CACNA1C: variants seen among roughly 807,000 people sequenced by gnomAD.
CACNA1C encodes the protein voltage-dependent L-type calcium channel subunit alpha-1C.
Under a neutral mutation model 229.0 loss-of-function variants are expected in CACNA1C, and 30 were observed. That is an observed-to-expected ratio of 0.13 (90% CI 0.10 to 0.18). The LOEUF is 0.18. CACNA1C is among the 10% of genes least tolerant of loss of function. The pLI is 1.00. For missense variants in CACNA1C, 1,658 were observed against 2,845.0 expected, an observed-to-expected ratio of 0.58 and a Z score of 9.49; for synonymous variants, 1,114 against 1,132.5, an observed-to-expected ratio of 0.98 and a Z score of 0.33.
At chr12:2,339,404 T>A (rs1177942631) in intron 3 of CACNA1C, among the ~76,000 whole-genome samples, 5 of 152,222 alleles carry the variant, frequency 3.3e-5, no homozygotes, top group African/African-American at 1.2e-4. Context: ...TGGACTTTAT[T>A]AACAGTGGAC....
intron 1 of CACNA1C, among the ~76,000 whole-genome samples, chr12:2,097,957 T>C (rs1358685235): frequency 6.6e-6 from 1 of 152,200 alleles, no homozygotes; most frequent in Non-Finnish European, 1.5e-5. Context: ...TTCTAGAACC[T>C]GAGCTGTCTG....
At chr12:2,473,932 A>G (rs1342600245) in intron 5 of CACNA1C, among the ~76,000 whole-genome samples, 1 of 152,220 alleles carries the variant, frequency 6.6e-6, no homozygotes, top group Non-Finnish European at 1.5e-5. Context: ...CTTATGGCGT[A>G]GAGTTACCGT....
At position 2,596,003 on chromosome 12, in the gene CACNA1C, T is replaced by C. The variant is rs759991679; in HGVS notation, c.2793T>C (p.His931=). The part of the protein sequence containing the change: ...DPVQHTSFRN[H]ILFYFDIVFT... ...TCCAGCACACCTCCTTCAGGAACCATGTATGCATCGCCTGTGTCTTCTGCA... is the reference window on the plus strand; with the variant it reads ...TCCAGCACACCTCCTTCAGGAACCACGTATGCATCGCCTGTGTCTTCTGCA... The change falls in exon 20 of 47, where the codon CAT becomes CAC. Residue 931 remains histidine (H), a splice_region_variant and synonymous_variant. Coordinates refer to ENST00000399655, the MANE Select transcript of CACNA1C (RefSeq NM_000719.7). 8 of 1,612,280 alleles carry C rather than the reference T, an allele frequency of 5.0e-6. No individual in the cohort carries two copies. Among genetic ancestry groups the C allele is most frequent in the South Asian group, 1.1e-5 (1 of 90,830 alleles).
intron 3 of CACNA1C, among the ~76,000 whole-genome samples, chr12:2,227,671 A>G (rs1399074196): frequency 6.6e-6 from 1 of 152,194 alleles, no homozygotes; most frequent in African/African-American, 2.4e-5. Flanking sequence ...CCTACTTGAC[A>G]ATACACCCCA....
At chr12:2,235,707 G>T (rs111635356) in intron 3 of CACNA1C, among the ~76,000 whole-genome samples, 1,942 of 152,226 alleles carry the variant, frequency 0.013, 48 homozygotes, top group African/African-American at 0.044. Flanking sequence ...AAGCAGGGCC[G>T]TGTCTGATGT....
At chr12:2,306,817 G>A (rs1293428978) in intron 3 of CACNA1C, among the ~76,000 whole-genome samples, 4 of 152,320 alleles carry the variant, frequency 2.6e-5, no homozygotes, top group Middle Eastern at 6.8e-3. Flanking sequence ...GAGCTAATCC[G>A]CAGTTTGGTA....
rs180698278 is a variant in CACNA1C at position 2,215,213 on chromosome 12, A to G, written c.477+94783A>G. ...TCCCTTTGCTTGGATTTAATCTGCT[A>G]TTTGTGGGTGTTCTGTTGCATTCAG... On this transcript the variant is annotated intron_variant, in intron 3 of 46. Coordinates refer to ENST00000399655, the MANE Select transcript of CACNA1C (RefSeq NM_000719.7). This position sits in a 1 kb window ranked among gnomAD's most constrained non-coding sequence, Gnocchi z 5.0. Among the ~76,000 whole-genome samples, 2 of 152,216 alleles carry G rather than the reference A, an allele frequency of 1.3e-5. No individual in the cohort carries two copies. Among genetic ancestry groups the G allele is most frequent in the African/African-American group, 4.8e-5 (2 of 41,550 alleles).
chr12:2,253,016 G>A (rs1022035726), intron 3 of CACNA1C, among the ~76,000 whole-genome samples: 1 of 152,244 alleles, frequency 6.6e-6, no homozygotes, highest in Non-Finnish European at 1.5e-5. Flanking sequence ...TCCCGGAAGG[G>A]AAGGTATGGC....
intron 1 of CACNA1C, among the ~76,000 whole-genome samples, chr12:2,106,576 G>A (rs1217126570): frequency 8.3e-6 from 1 of 121,058 alleles, no homozygotes; most frequent in African/African-American, 3.1e-5. Flanking sequence ...GCATCCTGAA[G>A]CCACTGGGTG....
chr12:2,294,784 T>C (rs2093871277), intron 3 of CACNA1C, among the ~76,000 whole-genome samples: 1 of 152,158 alleles, frequency 6.6e-6, no homozygotes, highest in Non-Finnish European at 1.5e-5. Flanking sequence ...TTGGTCACAC[T>C]GACCCAGACA....
chr12:2,050,205 AC>A (rs2051886777), upstream of CACNA1C, among the ~76,000 whole-genome samples: 1 of 152,000 alleles, frequency 6.6e-6, no homozygotes, highest in Non-Finnish European at 1.5e-5. Context: ...CCCACACTTC[AC>A]CCCTCAGAAG....
chr12:2,572,320 CTT>C (rs2055127565), intron 13 of CACNA1C, among the ~76,000 whole-genome samples: 5 of 129,866 alleles, frequency 3.9e-5, no homozygotes, highest in East Asian at 2.4e-4. Context: ...TCCTCCTCCT[CTT>C]CCTCCTCCTT....
rs752473203 is a variant in CACNA1C, at chr12:2,473,945, G to A, written c.758-12159G>A. On this transcript the variant is annotated intron_variant, in intron 5 of 46. Coordinates refer to ENST00000399655, the MANE Select transcript of CACNA1C (RefSeq NM_000719.7). ...AGCTTATGGCGTAGAGTTACCGTAAGTTGGCAGCAATGAACAAATTTGGTT... is the reference window on the plus strand; with the variant it reads ...AGCTTATGGCGTAGAGTTACCGTAAATTGGCAGCAATGAACAAATTTGGTT... Among the ~76,000 whole-genome samples, 7 of 152,258 alleles carry A rather than the reference G, an allele frequency of 4.6e-5. 2 individuals carry two copies. The highest frequency in any genetic ancestry group is 1.9e-4 in the East Asian group (1 of 5,188).
rs75016324 is a variant in CACNA1C at position 2,119,384 on chromosome 12, G to A, written c.372-941G>A. Among the ~76,000 whole-genome samples, 68 of 152,366 alleles carry A rather than the reference G, an allele frequency of 4.5e-4. 2 individuals carry two copies. The East Asian group carries it at 0.013, about 28-fold the overall frequency. On this transcript the variant is annotated intron_variant, in intron 2 of 46. Coordinates refer to ENST00000399655, the MANE Select transcript of CACNA1C (RefSeq NM_000719.7). ...GGTAGGTGGGAGTGGAGCTGGAAGAGCATAGACGGGCCCTTCCTGGGAAGC... is the reference window on the plus strand; with the variant it reads ...GGTAGGTGGGAGTGGAGCTGGAAGAACATAGACGGGCCCTTCCTGGGAAGC...
chr12:2,190,365 A>C (rs2097171904), intron 3 of CACNA1C, among the ~76,000 whole-genome samples: 1 of 152,204 alleles, frequency 6.6e-6, no homozygotes, highest in South Asian at 2.1e-4. Flanking sequence ...GGCTTTGCTC[A>C]TCCCCGCCCC....
At chr12:2,389,947 A>T (rs2098456241) in intron 3 of CACNA1C, among the ~76,000 whole-genome samples, 1 of 152,182 alleles carries the variant, frequency 6.6e-6, no homozygotes, top group Non-Finnish European at 1.5e-5. Flanking sequence ...GGCTGCCTGG[A>T]ATGCCCTCTA....
rs561962114 is a variant in CACNA1C at position 2,563,748 on chromosome 12, G to A, written c.1509-2674G>A. ...ATTTTGGGGGTATGTGCAGGGATCC[G>A]TAACAGCCCAGGTTGGCATCTTGGA... On this transcript the variant is annotated intron_variant, in intron 11 of 46. Coordinates refer to ENST00000399655, the MANE Select transcript of CACNA1C (RefSeq NM_000719.7). Among the ~76,000 whole-genome samples, 6 of 152,346 alleles carry A rather than the reference G, an allele frequency of 3.9e-5. No homozygotes were observed. The South Asian group carries it at 8.3e-4, about 21-fold the overall frequency.
At chr12:2,431,521 C>G (rs1420506789) in intron 3 of CACNA1C, among the ~76,000 whole-genome samples, 1 of 152,098 alleles carries the variant, frequency 6.6e-6, no homozygotes, top group South Asian at 2.1e-4. Context: ...TCCAGTAATC[C>G]AAATGTGCTC....
chr12:2,675,341 C>T (rs542160162), intron 39 of CACNA1C, among the ~76,000 whole-genome samples: 356 of 152,322 alleles, frequency 2.3e-3, no homozygotes, highest in Non-Finnish European at 4.5e-3. Context: ...CACCCACTTA[C>T]AACACATACG....
Sources: gnomAD v4.1 joint callset for allele counts (sites outside exome capture counted in the v4.1 genomes callset) on GRCh38, gnomAD v4.1.1 for gene constraint, Gnocchi (gnomAD v3.1) non-coding constraint, MANE v1.5 for transcripts, NCBI Gene and HGNC (gene_info 2026-07-23, HGNC 2026-07-21) for gene names.